Variants in CCDC88A observed in about 807,000 individuals in gnomAD.
The protein encoded by CCDC88A is girdin.
CCDC88A carries 54 observed loss-of-function variants against 234.3 expected under a neutral mutation model. The ratio of observed to expected loss-of-function variants is 0.23; its 90% confidence interval spans 0.19 to 0.29. CCDC88A has a LOEUF of 0.29. Among genes scored for constraint, CCDC88A ranks in the 10% least tolerant of loss-of-function variants. The pLI, the probability that CCDC88A is intolerant of heterozygous loss-of-function variation, is 1.00. For synonymous variants in CCDC88A, 753 were observed against 737.8 expected (o/e 1.02, Z -0.33); for missense variants, 1,832 against 2,123.4 (o/e 0.86, Z 2.70).
chr2:55,416,448 ATATAT>A lies in CCDC88A; in HGVS notation c.164+2363_164+2367del, dbSNP rs1558860177. ...GTCAAATAAATAAATAAATAAATAT[ATATAT>A]ATATATATATATATATATATATATA... On this transcript the variant is annotated intron_variant, in intron 2 of 32. Transcript: ENST00000436346. 6.2e-5 allele frequency among the ~76,000 whole-genome samples: 4 copies of A among 64,970 alleles called. No individual in the cohort carries two copies. The East Asian group carries it at 9.1e-4, about 15-fold the overall frequency. 42.6% of individuals were successfully genotyped at this position (64,970 alleles called of 152,430 possible).
chr2:55,370,511 C>T (rs184136256), intron 5 of CCDC88A, among the ~76,000 whole-genome samples: 7 of 151,612 alleles, frequency 4.6e-5, no homozygotes, highest in Non-Finnish European at 8.8e-5. Context: ...TGTGGTAGCA[C>T]ACATCTATCA....
chr2:55,417,796 T>C (rs1471334447), intron 2 of CCDC88A: 4 of 152,012 alleles, frequency 2.6e-5, no homozygotes, highest in Non-Finnish European at 5.9e-5. Context: ...AATACAAAAT[T>C]GATAAGGTTA....
intron 29 of CCDC88A, among the ~76,000 whole-genome samples, chr2:55,299,134 G>T (rs975901405): frequency 6.7e-6 from 1 of 149,534 alleles, no homozygotes; most frequent in Admixed American, 6.6e-5. Context: ...AACCTGGGAG[G>T]TGGAGGTTAC....
In CCDC88A at chr2:55,295,335, A is replaced by G. The variant is rs1159408128; in HGVS notation, c.5551+262T>C. The G allele has an allele frequency of 2.7e-6, 4 of 1,501,048 alleles. No homozygotes were observed. The African/African-American group carries it at 5.6e-5, about 21-fold the overall frequency. 93.0% of individuals were successfully genotyped at this position (1,501,048 alleles called of 1,614,324 possible). On this transcript the variant is annotated intron_variant, in intron 31 of 32. Transcript: ENST00000436346. Reference sequence around the variant, plus strand: ...TATGTTACTAACTAATTCTGTATTCAGGGATAAGAATGGCTGAGATGAATG... The same window carrying G: ...TATGTTACTAACTAATTCTGTATTCGGGGATAAGAATGGCTGAGATGAATG...
rs1251497921 is a variant in CCDC88A at position 55,349,395 on chromosome 2, T to C, written c.882+123A>G. Reference sequence around the variant, plus strand: ...GACTCTGAAAAAGTCATCCAATCTCTTGAAGCCTCAGGAACCTCTTTTATT... The same window carrying C: ...GACTCTGAAAAAGTCATCCAATCTCCTGAAGCCTCAGGAACCTCTTTTATT... On this transcript the variant is annotated intron_variant, in intron 9 of 32. Coordinates refer to ENST00000436346, the MANE Select transcript of CCDC88A (RefSeq NM_001365480.1). 2.1e-5 allele frequency: 15 copies of C among 707,274 alleles called. No homozygotes were observed. In the Admixed American group the frequency reaches 4.5e-4, roughly 21 times the overall value. The allele number at this position is 707,274 out of a possible 1,614,324, so 43.8% of individuals were successfully genotyped here.
At chr2:55,354,850 A>T (rs1670357244) in intron 8 of CCDC88A, among the ~76,000 whole-genome samples, 1 of 151,918 alleles carries the variant, frequency 6.6e-6, no homozygotes, top group Non-Finnish European at 1.5e-5. Context: ...TACTGGTGTG[A>T]ACCACCGCGC....
chr2:55,335,376 A>G lies in CCDC88A; in HGVS notation c.1657-212T>C, dbSNP rs1685357705. ...CACTGTGTACACTTACTGTGAGGTC[A>G]TTAAAGTTCATGTTTTTAGGAAGTT... is the stretch of plus-strand genomic sequence containing the variant. On this transcript the variant is annotated intron_variant, in intron 14 of 32. Transcript: ENST00000436346. The surrounding 1 kb of genome is among the most constrained non-coding windows in gnomAD (Gnocchi z 4.5). 7.6e-6 allele frequency among the ~76,000 whole-genome samples: 1 copy of G among 131,586 alleles called. No homozygotes were observed. Among genetic ancestry groups the G allele is most frequent in the Admixed American group, 7.3e-5 (1 of 13,776 alleles). 86.3% of individuals were successfully genotyped at this position (131,586 alleles called of 152,430 possible). A position where few individuals can be genotyped will look rare whatever the true frequency, so the allele number is the denominator to read the frequency against.
At chr2:55,385,679 C>A (rs1675460610) in intron 3 of CCDC88A, among the ~76,000 whole-genome samples, 1 of 150,892 alleles carries the variant, frequency 6.6e-6, no homozygotes, top group Admixed American at 6.6e-5. Flanking sequence ...ATGGTGAAAC[C>A]ACACCTCTCA....
chr2:55,299,028 T>C (rs1016182141), intron 29 of CCDC88A, among the ~76,000 whole-genome samples: 1 of 152,088 alleles, frequency 6.6e-6, no homozygotes, highest in African/African-American at 2.4e-5. Flanking sequence ...GGTGAAACCC[T>C]GTCTCCACTA....
In CCDC88A at chr2:55,346,296, A is replaced by G. The variant is rs1416627115; in HGVS notation, c.920T>C (p.Met307Thr). 2.5e-6 allele frequency: 4 copies of G among 1,604,154 alleles called. No homozygotes were observed. In the East Asian group the frequency reaches 9.0e-5, roughly 36 times the overall value. ...AAGTGCATCTAATTCATCTCGGTAC[A>G]TTCTGGCAGAGCGAGCATCCGAAAG... The part of the protein sequence containing the change: ...NLLSDARSAR[M>T]YRDELDALRE... The change falls in exon 10 of 33, where the codon ATG becomes ACG. Residue 307 changes from methionine to threonine, a missense_variant. Coordinates refer to ENST00000436346, the MANE Select transcript of CCDC88A (RefSeq NM_001365480.1).
Position 55,355,702 on chromosome 2 carries a change from T to G in CCDC88A, c.677A>C (p.His226Pro), listed in dbSNP as rs1475524364. 1 of 1,613,926 alleles carries G rather than the reference T, an allele frequency of 6.2e-7. No homozygotes were observed. The highest frequency in any genetic ancestry group is 2.2e-5 in the East Asian group (1 of 44,858). The change falls in exon 8 of 33, where the codon CAT (histidine) becomes CCT (proline). Residue 226 changes from histidine to proline, a missense_variant. Physicochemically the swap from His to Pro is moderately conservative, Grantham distance 77. This residue lies in a region of CCDC88A where 1,282 missense variants were observed against 1,543.6 expected (regional missense o/e 0.83). Transcript: ENST00000436346. ...GGGTGACTGTGCAGATGAAGAGGCA[T>G]GGGGTAGAAAATGGAGACCATCCCG... ...EERDGLHFLP[H>P]ASSSAQSPCG... is the part of the protein sequence containing the mutation.
chr2:55,344,280 T>C (rs1668842074), intron 11 of CCDC88A, 88 bp downstream of exon 11: 2 of 861,872 alleles, frequency 2.3e-6, no homozygotes, highest in East Asian at 5.4e-5. Flanking sequence ...TCAAGGACAC[T>C]AGCCATCCTT....
intron 2 of CCDC88A, among the ~76,000 whole-genome samples, chr2:55,414,625 A>C (rs540205092): frequency 6.6e-6 from 1 of 152,358 alleles, no homozygotes; most frequent in East Asian, 1.9e-4. Flanking sequence ...AAAAGACTTC[A>C]AAATTGTGAG....
chr2:55,400,546 C>T (rs548182932), intron 2 of CCDC88A, among the ~76,000 whole-genome samples: 4 of 152,206 alleles, frequency 2.6e-5, no homozygotes, highest in Admixed American at 6.5e-5. Context: ...AAATAATAAA[C>T]GGACAGTAGT....
intron 3 of CCDC88A, among the ~76,000 whole-genome samples, chr2:55,377,458 A>C (rs910295998): frequency 7.4e-6 from 1 of 135,254 alleles, no homozygotes; most frequent in Non-Finnish European, 1.6e-5. Context: ...GTGCCCAGCG[A>C]GATTTTTTTT....
At chr2:55,372,538 A>G (rs759602651) in intron 4 of CCDC88A, 28 bp from the exon 5 acceptor site, 2 of 1,053,246 alleles carry the variant, frequency 1.9e-6, no homozygotes. Flanking sequence ...ATTAAGGACA[A>G]CATTCTGCTA....
Position 55,317,390 on chromosome 2 carries a change from A to G in CCDC88A, c.3603-41T>C, listed in dbSNP as rs75392312. On this transcript the variant is annotated intron_variant, in intron 20 of 32. Transcript: ENST00000436346. This position sits in a 1 kb window ranked among gnomAD's most constrained non-coding sequence, Gnocchi z 4.2. ...GCATTTGGTTTATAATATTTACAAAAAAGAAATTTTAGAAATGAAGGAAAT... is the reference window on the plus strand; with the variant it reads ...GCATTTGGTTTATAATATTTACAAAGAAGAAATTTTAGAAATGAAGGAAAT... 232 of 1,381,844 alleles carry G rather than the reference A, an allele frequency of 1.7e-4. No homozygotes were observed. The East Asian group carries it at 5.5e-3, about 33-fold the overall frequency. The allele number at this position is 1,381,844 out of a possible 1,614,324, so 85.6% of individuals were successfully genotyped here.
chr2:55,348,066 A>G (rs1331014045), intron 9 of CCDC88A, among the ~76,000 whole-genome samples: 2 of 151,756 alleles, frequency 1.3e-5, no homozygotes, highest in African/African-American at 4.8e-5. Flanking sequence ...GGCTCAAGTG[A>G]TCTTCCCACC....
At chr2:55,348,466 G>C (rs1463630094) in intron 9 of CCDC88A, 1 of 151,216 alleles carries the variant, frequency 6.6e-6, no homozygotes, top group Non-Finnish European at 1.5e-5. Flanking sequence ...GTAGAGACAG[G>C]GTTTCACTAC....
Sources: allele counts gnomAD v4.1 joint callset (sites outside exome capture counted in the v4.1 genomes callset), GRCh38; gene constraint gnomAD v4.1.1; regional missense constraint gnomAD v4.1.1; non-coding constraint Gnocchi (gnomAD v3.1); transcripts MANE v1.5; gene names NCBI Gene and HGNC (gene_info 2026-07-23, HGNC 2026-07-21).